Variants in TYW1 observed in about 807,000 individuals in gnomAD.
The protein encoded by TYW1 is tRNA-yW synthesizing protein 1 homolog.
In TYW1, 46 loss-of-function variants were observed where a neutral mutation model predicts 96.2. The observed-to-expected ratio is 0.48, with a 90% CI of 0.38 to 0.61. The LOEUF (loss-of-function observed/expected upper bound fraction) is 0.61, where lower values mean the gene tolerates loss of function less well. Ranked by LOEUF, TYW1 falls within the 20% of genes least tolerant of loss-of-function variation. TYW1 has a pLI of 0.00. For synonymous variants in TYW1, 274 were observed against 323.0 expected (o/e 0.85, Z 1.63); for missense variants, 684 against 909.6 (o/e 0.75, Z 3.19).
intron 14 of TYW1, among the ~76,000 whole-genome samples, chr7:67,192,150 C>T (rs1800239298): frequency 6.6e-6 from 1 of 152,116 alleles, no homozygotes; most frequent in Non-Finnish European, 1.5e-5. Context: ...CCCGCCTCAG[C>T]CTCCCAAAGA....
At chr7:67,147,377 C>T (rs1055165516) in intron 13 of TYW1, among the ~76,000 whole-genome samples, 1 of 152,030 alleles carries the variant, frequency 6.6e-6, no homozygotes, top group Non-Finnish European at 1.5e-5. Context: ...TCCATTCCCC[C>T]ACAGATCATA....
At chr7:67,159,177 A>G (rs1799078949) in intron 13 of TYW1, among the ~76,000 whole-genome samples, 1 of 152,176 alleles carries the variant, frequency 6.6e-6, no homozygotes. Context: ...TATTACCTCA[A>G]GTTTAAATTG....
intron 12 of TYW1, among the ~76,000 whole-genome samples, chr7:67,110,122 A>G (rs916987346): frequency 6.6e-6 from 1 of 152,216 alleles, no homozygotes; most frequent in Non-Finnish European, 1.5e-5. Context: ...AAACAATTAT[A>G]GACGATTGTT....
At chr7:67,002,649 A>AT (rs143818440) in intron 3 of TYW1, among the ~76,000 whole-genome samples, 23,709 of 151,030 alleles carry the variant, frequency 0.16, 2,301 homozygotes, top group Admixed American at 0.27. Flanking sequence ...GTATACTTGA[A>AT]TTTTTTTTGT....
intron 14 of TYW1, among the ~76,000 whole-genome samples, chr7:67,187,721 G>A (rs1333800329): frequency 6.6e-6 from 1 of 152,168 alleles, no homozygotes; most frequent in Non-Finnish European, 1.5e-5. Context: ...CATTTTCAAT[G>A]TTGTATGTTC....
intron 13 of TYW1, among the ~76,000 whole-genome samples, chr7:67,124,891 A>C (rs1213592023): frequency 6.6e-6 from 1 of 151,948 alleles, no homozygotes; most frequent in Non-Finnish European, 1.5e-5. Context: ...CTGGAGTGCA[A>C]TGGCGTGATC....
At chr7:67,237,694 T>C (rs1337157652) in intron 15 of TYW1, among the ~76,000 whole-genome samples, 3 of 152,132 alleles carry the variant, frequency 2.0e-5, no homozygotes, top group African/African-American at 7.2e-5. Context: ...TCCAGGTCAT[T>C]ATTCCACCGT....
chr7:67,101,343 C>T (rs940426637), intron 12 of TYW1, among the ~76,000 whole-genome samples: 5 of 151,842 alleles, frequency 3.3e-5, no homozygotes, highest in African/African-American at 7.3e-5. Flanking sequence ...TCCTTGAATG[C>T]GTGAAGCTAT....
At chr7:67,218,602 C>T (rs1189942692) in intron 15 of TYW1, among the ~76,000 whole-genome samples, 1 of 152,158 alleles carries the variant, frequency 6.6e-6, no homozygotes, top group Admixed American at 6.5e-5. Context: ...ATCTGCCCAC[C>T]TCGGCCTTCC....
At chr7:67,209,949 A>C (rs1430860758) in intron 15 of TYW1, among the ~76,000 whole-genome samples, 1 of 151,938 alleles carries the variant, frequency 6.6e-6, no homozygotes, top group Non-Finnish European at 1.5e-5. Context: ...TATTATGGAG[A>C]GTTCCCATAT....
At chr7:67,003,123 C>A (rs538096876) in intron 3 of TYW1, among the ~76,000 whole-genome samples, 1 of 152,204 alleles carries the variant, frequency 6.6e-6, no homozygotes, top group South Asian at 2.1e-4. Flanking sequence ...ACTTTCATAT[C>A]GAGTTACCTA....
chr7:67,089,966 C>T lies in TYW1; in HGVS notation c.1384+6427C>T, dbSNP rs1011319860. On this transcript the variant is annotated intron_variant, in intron 11 of 15. Transcript: ENST00000359626. ...AGGTTTCTTTAGCTCAATTTTCCAC[C>T]CGTTCAGCAAACATCAAGTGATTGC... 1.3e-3 allele frequency among the ~76,000 whole-genome samples: 195 copies of T among 152,148 alleles called. 1 individual carries two copies. The highest frequency in any genetic ancestry group is 4.2e-3 in the African/African-American group (176 of 41,548).
At chr7:67,096,595 C>CT in intron 11 of TYW1, among the ~76,000 whole-genome samples, 1 of 151,238 alleles carries the variant, frequency 6.6e-6, no homozygotes, top group African/African-American at 2.4e-5. Context: ...TTTTTTAACT[C>CT]TTAAGTTCAG....
intron 5 of TYW1, among the ~76,000 whole-genome samples, chr7:67,014,789 C>T (rs894293817): frequency 2.6e-5 from 4 of 152,322 alleles, no homozygotes; most frequent in African/African-American, 9.6e-5. Context: ...AGTGCAGTGG[C>T]ACCATCTCAG....
intron 13 of TYW1, among the ~76,000 whole-genome samples, chr7:67,165,612 A>G (rs573134611): frequency 2.5e-4 from 38 of 152,290 alleles, no homozygotes; most frequent in African/African-American, 9.1e-4. Flanking sequence ...TTATCCGTGA[A>G]TACTTCTGTA....
At position 67,203,219 on chromosome 7, in the gene TYW1, G is replaced by A. The variant is rs115380760; in HGVS notation, c.1977+7882G>A. On this transcript the variant is annotated intron_variant, in intron 15 of 15. Transcript: ENST00000359626. ...TTGGAAGAAGGATATATAAACAGAA[G>A]TTTACTCTATCTGACGATAATAGAG... is the stretch of plus-strand genomic sequence containing the variant. Among the ~76,000 whole-genome samples, 427 of 152,298 alleles carry A rather than the reference G, an allele frequency of 2.8e-3. 4 individuals carry two copies. The highest frequency in any genetic ancestry group is 9.8e-3 in the African/African-American group (406 of 41,568).
chr7:67,047,881 G>A (rs561022306), intron 7 of TYW1, among the ~76,000 whole-genome samples: 2 of 145,624 alleles, frequency 1.4e-5, no homozygotes, highest in Non-Finnish European at 3.0e-5. Flanking sequence ...TCCGCCTCCC[G>A]GGTTCAAGTG....
intron 15 of TYW1, among the ~76,000 whole-genome samples, chr7:67,208,420 G>A (rs552589663): frequency 5.9e-5 from 9 of 152,164 alleles, no homozygotes; most frequent in East Asian, 5.8e-4. Flanking sequence ...CATCGGGCGC[G>A]GTGGCTTACG....
chr7:67,045,416 C>CT (rs1243164747), intron 7 of TYW1, among the ~76,000 whole-genome samples: 1 of 151,914 alleles, frequency 6.6e-6, no homozygotes, highest in African/African-American at 2.4e-5. Flanking sequence ...TGAGATCTCA[C>CT]TATGTTGCCC....
Sources: allele counts gnomAD v4.1 joint callset (sites outside exome capture counted in the v4.1 genomes callset), GRCh38; gene constraint gnomAD v4.1.1; transcripts MANE v1.5; gene names NCBI Gene and HGNC (gene_info 2026-07-23, HGNC 2026-07-21).